USP10: variants seen among roughly 807,000 people sequenced by gnomAD.
The protein encoded by USP10 is ubiquitin carboxyl-terminal hydrolase 10.
USP10 carries 22 observed loss-of-function variants against 84.5 expected under a neutral mutation model. The ratio of observed to expected loss-of-function variants is 0.26; its 90% CI spans 0.19 to 0.37. The LOEUF (loss-of-function observed/expected upper bound fraction) is 0.37, where lower values mean the gene tolerates loss of function less well. Ranked by LOEUF, USP10 falls within the 10% of genes least tolerant of loss-of-function variation. USP10 has a pLI of 1.00. For synonymous variants in USP10, 454 were observed against 387.6 expected, an observed-to-expected ratio of 1.17 and a Z score of -2.01; for missense variants, 1,019 against 998.9, an observed-to-expected ratio of 1.02 and a Z score of -0.27.
chr16:84,706,861 C>G (rs1230879471), intron 1 of USP10, among the ~76,000 whole-genome samples: 2 of 152,036 alleles, frequency 1.3e-5, no homozygotes, highest in Non-Finnish European at 1.5e-5. Flanking sequence ...TATATTTATT[C>G]AAGACCTGAA....
intron 1 of USP10, among the ~76,000 whole-genome samples, chr16:84,710,044 C>T (rs533709610): frequency 9.9e-5 from 15 of 152,174 alleles, no homozygotes; most frequent in Admixed American, 8.5e-4. Flanking sequence ...CCGAAGTAGA[C>T]GGATCACTTG....
At chr16:84,775,745 C>A (rs1378515760) in intron 13 of USP10, among the ~76,000 whole-genome samples, 2 of 152,240 alleles carry the variant, frequency 1.3e-5, no homozygotes, top group Non-Finnish European at 2.9e-5. Context: ...GGGTGAATGG[C>A]ACCCCCTGTT....
At chr16:84,714,437 G>A (rs1906731939) in intron 1 of USP10, among the ~76,000 whole-genome samples, 1 of 151,970 alleles carries the variant, frequency 6.6e-6, no homozygotes, top group Non-Finnish European at 1.5e-5. Flanking sequence ...TCCCTCTTTA[G>A]CCTCCCAAAA....
At chr16:84,741,514 T>G (rs1394800253) in intron 3 of USP10, among the ~76,000 whole-genome samples, 1 of 152,240 alleles carries the variant, frequency 6.6e-6, no homozygotes, top group Non-Finnish European at 1.5e-5. Flanking sequence ...ACATCACTTC[T>G]TTGAGTTCAC....
intron 3 of USP10, among the ~76,000 whole-genome samples, chr16:84,741,800 G>T (rs1278853926): frequency 1.3e-5 from 2 of 152,288 alleles, no homozygotes; most frequent in African/African-American, 2.4e-5. Flanking sequence ...TCCAGTGCCT[G>T]TTCGACTGTA....
intron 1 of USP10, among the ~76,000 whole-genome samples, chr16:84,728,794 ACCT>A (rs898236619): frequency 6.6e-6 from 1 of 151,470 alleles, no homozygotes; most frequent in Non-Finnish European, 1.5e-5. Flanking sequence ...TATAAGCAGC[ACCT>A]CTTCTTTTTT....
chr16:84,746,705 T>G (rs892261657), intron 4 of USP10, among the ~76,000 whole-genome samples: 2 of 152,326 alleles, frequency 1.3e-5, no homozygotes, highest in East Asian at 3.9e-4. Flanking sequence ...AGGACAGTAC[T>G]GAGCAAAGCC....
At chr16:84,760,115 T>C in intron 7 of USP10, 57 bp from the exon 8 acceptor site, 1 of 1,555,232 alleles carries the variant, frequency 6.4e-7, no homozygotes, top group Non-Finnish European at 8.8e-7. Context: ...TGTTGCTTTT[T>C]TCATCATTTA....
intron 1 of USP10, among the ~76,000 whole-genome samples, chr16:84,711,875 A>G (rs1237626621): frequency 6.6e-6 from 1 of 152,012 alleles, no homozygotes; most frequent in Non-Finnish European, 1.5e-5. Flanking sequence ...GCGTGCCACC[A>G]TGGCTGGCTA....
At chr16:84,771,246 G>C (rs1015302652) in intron 11 of USP10, among the ~76,000 whole-genome samples, 7 of 152,170 alleles carry the variant, frequency 4.6e-5, no homozygotes, top group Non-Finnish European at 8.8e-5. Flanking sequence ...TAAAACTCAT[G>C]ATTAGAATAA....
Position 84,778,091 on chromosome 16 carries a change from C to CTGTGTGTGTGTGTGTGTGTGTGTGTG in USP10, c.2210-802_2210-777dup, listed in dbSNP as rs113716260. ...TAGGATTTTTTTTTTAAGTAAATAACTGTGTGTGTGTGTGTGTGTGTGTGT... is the reference window on the plus strand; with the variant it reads ...TAGGATTTTTTTTTTAAGTAAATAACTGTGTGTGTGTGTGTGTGTGTGTGTGTGTGTGTGTGTGTGTGTGTGTGTGT... On this transcript the variant is annotated intron_variant, in intron 13 of 13. Transcript: ENST00000219473. 2.0e-3 allele frequency among the ~76,000 whole-genome samples: 285 copies of CTGTGTGTGTGTGTGTGTGTGTGTGTG among 143,508 alleles called. 4 individuals are homozygous for CTGTGTGTGTGTGTGTGTGTGTGTGTG. Among genetic ancestry groups the CTGTGTGTGTGTGTGTGTGTGTGTGTG allele is most frequent in the Middle Eastern group, 3.6e-3 (1 of 274 alleles). The allele number at this position is 143,508 out of a possible 152,430, so 94.1% of individuals were successfully genotyped here.
intron 10 of USP10, among the ~76,000 whole-genome samples, chr16:84,765,964 A>C (rs1489626394): frequency 1.3e-5 from 2 of 152,216 alleles, no homozygotes; most frequent in African/African-American, 4.8e-5. Context: ...CATCGAAAGT[A>C]CTGAAGAGGC....
At chr16:84,748,767 G>A (rs1256948535) in intron 4 of USP10, among the ~76,000 whole-genome samples, 4 of 152,112 alleles carry the variant, frequency 2.6e-5, no homozygotes, top group Admixed American at 2.6e-4. Context: ...TTGATAAATA[G>A]TTTGTTATGT....
At chr16:84,710,760 C>A (rs914756786) in intron 1 of USP10, among the ~76,000 whole-genome samples, 1 of 152,226 alleles carries the variant, frequency 6.6e-6, no homozygotes, top group East Asian at 1.9e-4. Flanking sequence ...TCTTCTAATA[C>A]CAGAATCACC....
Position 84,740,386 on chromosome 16 carries a change from C to A in USP10, c.151+17C>A. On this transcript the variant is annotated intron_variant, in intron 3 of 13. Coordinates refer to ENST00000219473, the MANE Select transcript of USP10 (RefSeq NM_005153.3). Reference sequence around the variant, plus strand: ...TACCTGATGGTAAGCTAGTTCTCTCCTTATTTCCCTGAAGGGAATTTGGCC... The same window carrying A: ...TACCTGATGGTAAGCTAGTTCTCTCATTATTTCCCTGAAGGGAATTTGGCC... The A allele has an allele frequency of 1.9e-6, 3 of 1,609,014 alleles. No individual in the cohort carries two copies. Among genetic ancestry groups the A allele is most frequent in the Non-Finnish European group, 2.5e-6 (3 of 1,176,586 alleles).
intron 2 of USP10, among the ~76,000 whole-genome samples, chr16:84,735,338 A>C (rs1456022964): frequency 1.3e-5 from 2 of 152,052 alleles, no homozygotes; most frequent in African/African-American, 4.8e-5. Context: ...GTGTGTACAC[A>C]TGTGGATGGG....
chr16:84,724,565 C>T (rs1277196972), intron 1 of USP10, among the ~76,000 whole-genome samples: 1 of 152,106 alleles, frequency 6.6e-6, no homozygotes, highest in Non-Finnish European at 1.5e-5. Context: ...CCTCTTTGCC[C>T]CAAGAAAGTA....
intron 1 of USP10, among the ~76,000 whole-genome samples, chr16:84,706,755 T>A (rs912680222): frequency 2.0e-5 from 3 of 151,986 alleles, no homozygotes; most frequent in African/African-American, 7.3e-5. Flanking sequence ...TTAGCCAGGA[T>A]GGTCTCCATC....
rs917698275 is a variant in USP10 at position 84,729,336 on chromosome 16, C to T, written c.22-4099C>T. ...TGTGCATTGCAATTCTAAGAAATTC[C>T]GTTTTATTCTTAGGATTCCCCTAGC... On this transcript the variant is annotated intron_variant, in intron 1 of 13. Transcript: ENST00000219473. Among the ~76,000 whole-genome samples, 7 of 152,194 alleles carry T rather than the reference C, an allele frequency of 4.6e-5. No individual in the cohort carries two copies. In the East Asian group the frequency reaches 5.8e-4, roughly 13 times the overall value.
Sources: allele counts gnomAD v4.1 joint callset (sites outside exome capture counted in the v4.1 genomes callset), GRCh38; gene constraint gnomAD v4.1.1; transcripts MANE v1.5; gene names NCBI Gene and HGNC (gene_info 2026-07-23, HGNC 2026-07-21).